The following UBR3 variants were observed in gnomAD, a reference collection of about 807,000 sequenced individuals.
UBR3 encodes the protein E3 ubiquitin-protein ligase UBR3.
A neutral mutation model predicts 243.2 loss-of-function variants in UBR3; 85 were observed. The observed-to-expected ratio is 0.35, with a 90% CI of 0.29 to 0.42. The LOEUF is 0.42. UBR3 is among the 10% of genes least tolerant of loss of function. The probability of loss-of-function intolerance (pLI) is 1.00; values close to 1 mark genes in which losing one functional copy is unlikely to be tolerated. For missense variants in UBR3, 1,686 were observed against 2,300.8 expected, an observed-to-expected ratio of 0.73 and a Z score of 5.47; for synonymous variants, 748 against 799.8, an observed-to-expected ratio of 0.94 and a Z score of 1.09.
intron 5 of UBR3, among the ~76,000 whole-genome samples, chr2:169,888,786 T>C (rs2084211867): frequency 6.6e-6 from 1 of 152,222 alleles, no homozygotes; most frequent in South Asian, 2.1e-4. Context: ...CATGCTTTTC[T>C]CATTTATAAT....
chr2:169,831,019 C>T (rs1399657407), intron 1 of UBR3, among the ~76,000 whole-genome samples: 5 of 148,436 alleles, frequency 3.4e-5, no homozygotes, highest in Non-Finnish European at 7.4e-5. Flanking sequence ...AGACAGTCAA[C>T]ATCCTAACCT....
At chr2:170,076,505 AT>A (rs2091813530) in intron 36 of UBR3, among the ~76,000 whole-genome samples, 1 of 152,192 alleles carries the variant, frequency 6.6e-6, no homozygotes, top group Non-Finnish European at 1.5e-5. Context: ...AGAGATGTCC[AT>A]TGTTCCTGTC....
rs556338795 is a variant in UBR3, at chr2:169,965,323, T to G, written c.3634+6797T>G. Among the ~76,000 whole-genome samples the G allele has an allele frequency of 2.6e-5, 4 of 152,324 alleles. No individual in the cohort carries two copies. In the South Asian group the frequency reaches 8.3e-4, roughly 32 times the overall value. ...TCCCTCATTTGTCAAATTCCTTTTT[T>G]TGTGTGTCTTATTTCATATCTGTGT... On this transcript the variant is annotated intron_variant, in intron 24 of 38. Coordinates refer to ENST00000272793, the MANE Select transcript of UBR3 (RefSeq NM_172070.4).
At chr2:169,875,636 C>A (rs1195910741) in intron 2 of UBR3, among the ~76,000 whole-genome samples, 155 bp from the exon 3 acceptor site, 2 of 152,078 alleles carry the variant, frequency 1.3e-5, no homozygotes, top group African/African-American at 4.8e-5. Context: ...TGGGCAGATA[C>A]CAATTTCTAA....
At chr2:170,001,149 T>C (rs2089680964) in intron 26 of UBR3, among the ~76,000 whole-genome samples, 155 bp from the exon 27 acceptor site, 1 of 152,248 alleles carries the variant, frequency 6.6e-6, no homozygotes, top group African/African-American at 2.4e-5. Flanking sequence ...GCCTGAAGAC[T>C]ATCTAGTCAG....
chr2:169,844,887 G>T (rs2082417889), intron 1 of UBR3, among the ~76,000 whole-genome samples: 2 of 152,104 alleles, frequency 1.3e-5, no homozygotes, highest in Admixed American at 1.3e-4. Context: ...ATTGATATCT[G>T]CTCTTTATTA....
intron 24 of UBR3, among the ~76,000 whole-genome samples, chr2:169,966,069 T>A (rs2105372241): frequency 6.6e-6 from 1 of 152,332 alleles, no homozygotes; most frequent in Middle Eastern, 3.4e-3. Flanking sequence ...CACTCTTGCC[T>A]ATCTGTTTAA....
intron 1 of UBR3, among the ~76,000 whole-genome samples, chr2:169,849,015 A>T (rs1054795098): frequency 6.6e-6 from 1 of 152,218 alleles, no homozygotes; most frequent in Non-Finnish European, 1.5e-5. Flanking sequence ...TGCAATGGGG[A>T]GGGGATAAGG....
chr2:169,987,658 T>C (rs541074166), intron 25 of UBR3, among the ~76,000 whole-genome samples: 21 of 151,998 alleles, frequency 1.4e-4, no homozygotes, highest in African/African-American at 5.1e-4. Context: ...TGAAGTATTT[T>C]TGAGGGTAGT....
chr2:169,894,967 C>T (rs775790554), intron 6 of UBR3, among the ~76,000 whole-genome samples: 67 of 152,168 alleles, frequency 4.4e-4, no homozygotes, highest in Non-Finnish European at 1.0e-4. Flanking sequence ...CATTTTTCCA[C>T]TTACTGCTTT....
chr2:170,071,444 G>T (rs1202780470), intron 35 of UBR3, among the ~76,000 whole-genome samples: 3 of 152,142 alleles, frequency 2.0e-5, no homozygotes, highest in African/African-American at 7.2e-5. Flanking sequence ...GGCTGTTTGG[G>T]TCCAAAGAGT....
At chr2:169,937,177 T>C (rs2086370887) in intron 19 of UBR3, among the ~76,000 whole-genome samples, 1 of 152,254 alleles carries the variant, frequency 6.6e-6, no homozygotes, top group Non-Finnish European at 1.5e-5. Context: ...TGTTGTTTCC[T>C]GACTTTTTAA....
At chr2:169,957,851 G>A (rs1218323698) in intron 23 of UBR3, among the ~76,000 whole-genome samples, 1 of 152,158 alleles carries the variant, frequency 6.6e-6, no homozygotes, top group Non-Finnish European at 1.5e-5. Flanking sequence ...TTCTTATGTT[G>A]TGTTTGAGAC....
At chr2:169,944,593 A>G (rs568279737) in intron 20 of UBR3, among the ~76,000 whole-genome samples, 1 of 152,302 alleles carries the variant, frequency 6.6e-6, no homozygotes, top group East Asian at 1.9e-4. Flanking sequence ...TGGCAAGTCA[A>G]CTTTTTAAAA....
At chr2:169,855,462 A>G (rs1235329100) in intron 1 of UBR3, among the ~76,000 whole-genome samples, 3 of 151,964 alleles carry the variant, frequency 2.0e-5, no homozygotes, top group African/African-American at 7.2e-5. Context: ...CATGTGAACA[A>G]AGGTCTCTGG....
chr2:169,945,145 T>C (rs929868480), intron 20 of UBR3, among the ~76,000 whole-genome samples: 3 of 140,090 alleles, frequency 2.1e-5, no homozygotes, highest in African/African-American at 8.1e-5. Context: ...TTTCTTTTAG[T>C]TTTTTTTTTT....
At position 169,985,224 on chromosome 2, in the gene UBR3, C is replaced by CT. The variant is rs71006060; in HGVS notation, c.3635-1402dup. Among the ~76,000 whole-genome samples, 127 of 113,090 alleles carry CT rather than the reference C, an allele frequency of 1.1e-3. 1 individual carries two copies. Among genetic ancestry groups the CT allele is most frequent in the Middle Eastern group, 4.3e-3 (1 of 230 alleles). The allele number at this position is 113,090 out of a possible 152,430, so 74.2% of individuals were successfully genotyped here. ...AAAGTAGTCTCATATCAACTCTTTT[C>CT]TTTTTTTTTTTTTTTTTTTCTGAGA... On this transcript the variant is annotated intron_variant, in intron 24 of 38. Transcript: ENST00000272793.
In UBR3 at chr2:169,879,078, A is replaced by G. The variant is rs184994543; in HGVS notation, c.1038+504A>G. On this transcript the variant is annotated intron_variant, in intron 5 of 38. Coordinates refer to ENST00000272793, the MANE Select transcript of UBR3 (RefSeq NM_172070.4). ...AAAAGACCATCAATTTGAAATTTCA[A>G]TTTTTATAGTGTTTATTAATAATAA... Among the ~76,000 whole-genome samples, 296 of 152,008 alleles carry G rather than the reference A, an allele frequency of 1.9e-3. 1 individual carries two copies. The highest frequency in any genetic ancestry group is 3.3e-3 in the Non-Finnish European group (224 of 67,908).
chr2:169,876,017 T>G, intron 3 of UBR3, 68 bp downstream of exon 3: 1 of 1,278,344 alleles, frequency 7.8e-7, no homozygotes, highest in Non-Finnish European at 1.0e-6. Flanking sequence ...ATTGAGTCTT[T>G]TAGAACTTAA....
Sources: allele counts gnomAD v4.1 joint callset (sites outside exome capture counted in the v4.1 genomes callset), GRCh38; gene constraint gnomAD v4.1.1; transcripts MANE v1.5; gene names NCBI Gene and HGNC (gene_info 2026-07-23, HGNC 2026-07-21).